EVI5: variants seen among roughly 807,000 people sequenced by gnomAD.
EVI5 encodes the protein ecotropic viral integration site 5 protein homolog.
In EVI5, 73 loss-of-function variants were observed where a neutral mutation model predicts 112.0. The ratio of observed to expected loss-of-function variants is 0.65; its 90% CI spans 0.54 to 0.79. The LOEUF is 0.79. Ranked by LOEUF, EVI5 falls within the 30% of genes least tolerant of loss-of-function variation. EVI5 has a pLI of 0.00. For missense variants in EVI5, 900 were observed against 968.8 expected, an observed-to-expected ratio of 0.93 and a Z score of 0.94; for synonymous variants, 305 against 319.9, an observed-to-expected ratio of 0.95 and a Z score of 0.50.
chr1:92,746,496 TG>T (rs1254015481), intron 1 of EVI5, among the ~76,000 whole-genome samples: 2 of 152,002 alleles, frequency 1.3e-5, no homozygotes, highest in Admixed American at 1.3e-4. Flanking sequence ...GAGGCCGAGG[TG>T]GGTGGATCAC....
chr1:92,683,895 G>A (rs1024123883), intron 9 of EVI5, among the ~76,000 whole-genome samples: 1 of 152,184 alleles, frequency 6.6e-6, no homozygotes, highest in Non-Finnish European at 1.5e-5. Context: ...AGAAATATGG[G>A]AGTATGTGAA....
At chr1:92,586,306 C>T (rs1672769639) in intron 18 of EVI5, among the ~76,000 whole-genome samples, 1 of 152,120 alleles carries the variant, frequency 6.6e-6, no homozygotes, top group African/African-American at 2.4e-5. Flanking sequence ...TACTTCCCCT[C>T]CTTGAGGGTG....
intron 18 of EVI5, among the ~76,000 whole-genome samples, chr1:92,596,696 G>C (rs1647980995): frequency 6.6e-6 from 1 of 152,188 alleles, no homozygotes; most frequent in East Asian, 1.9e-4. Context: ...TTGACCTCAA[G>C]TGATCAGCCT....
chr1:92,618,575 A>G (rs1406026784), intron 16 of EVI5, among the ~76,000 whole-genome samples: 2 of 152,210 alleles, frequency 1.3e-5, no homozygotes, highest in African/African-American at 4.8e-5. Context: ...ATTAAGGTCA[A>G]TGGGAAACTA....
Position 92,695,456 on chromosome 1 carries a change from A to G in EVI5, c.766-3T>C, listed in dbSNP as rs1186226410. Reference sequence around the variant, plus strand: ...ACAAAGAGCTCTGGAAGATGCTCCTAAAGAGAAGAAAATAATTAGTTATAA... The same window carrying G: ...ACAAAGAGCTCTGGAAGATGCTCCTGAAGAGAAGAAAATAATTAGTTATAA... On this transcript the variant is annotated splice_polypyrimidine_tract_variant and splice_region_variant and intron_variant, in intron 6 of 19. Coordinates refer to ENST00000684568, the MANE Select transcript of EVI5 (RefSeq NM_001350197.2). 3 of 1,571,470 alleles carry G rather than the reference A, an allele frequency of 1.9e-6. No individual in the cohort carries two copies. The highest frequency in any genetic ancestry group is 2.6e-6 in the Non-Finnish European group (3 of 1,153,958).
chr1:92,711,681 G>A (rs972179233), intron 2 of EVI5, among the ~76,000 whole-genome samples: 19 of 152,084 alleles, frequency 1.2e-4, no homozygotes, highest in Admixed American at 3.3e-4. Context: ...GATTTATTAC[G>A]GAGGAGGCAA....
chr1:92,640,419 A>G (rs1659713266), intron 13 of EVI5, among the ~76,000 whole-genome samples: 1 of 152,164 alleles, frequency 6.6e-6, no homozygotes, highest in Admixed American at 6.5e-5. Flanking sequence ...CAAGAGAAAA[A>G]CAACCCCATC....
intron 2 of EVI5, among the ~76,000 whole-genome samples, chr1:92,731,761 T>C (rs963641694): frequency 1.3e-5 from 2 of 152,084 alleles, no homozygotes; most frequent in African/African-American, 2.4e-5. Flanking sequence ...ACAACTGATA[T>C]CTGACAAAAA....
intron 2 of EVI5, among the ~76,000 whole-genome samples, chr1:92,718,383 A>C (rs1209254947): frequency 2.6e-5 from 4 of 152,250 alleles, no homozygotes; most frequent in Non-Finnish European, 5.9e-5. Flanking sequence ...CTCAGGATTC[A>C]GAAACTCACT....
intron 2 of EVI5, among the ~76,000 whole-genome samples, chr1:92,707,953 T>C (rs758537531): frequency 2.0e-5 from 3 of 152,092 alleles, no homozygotes; most frequent in Non-Finnish European, 4.4e-5. Context: ...TGCATCAACA[T>C]GGATGAATCT....
At chr1:92,704,854 T>C (rs181717312) in intron 2 of EVI5, 110 bp from the exon 3 acceptor site, 6 of 434,134 alleles carry the variant, frequency 1.4e-5, no homozygotes, top group Admixed American at 1.2e-4. Context: ...TTTTAAAATA[T>C]AGTTTTAATA....
In EVI5 at chr1:92,704,581, G is replaced by A. The variant is rs200740554; in HGVS notation, c.313C>T (p.Arg105Cys). Residue 105 changes from arginine (R) to cysteine (C), a missense_variant, in exon 3 of 20, where the codon CGC becomes TGC. Arg to Cys is a radical substitution (Grantham distance 180, BLOSUM62 -3). Coordinates refer to ENST00000684568, the MANE Select transcript of EVI5 (RefSeq NM_001350197.2). ...TTAACTTGCTTTTCCTTCTTTTTGC[G>A]TACATCTTCCCATTCATTAACAATT... Reference protein sequence around the residue: ...GRIVNEWEDVRKKKEKQVKEL... With the variant: ...GRIVNEWEDVCKKKEKQVKEL... 27 of 1,578,102 alleles carry A rather than the reference G, an allele frequency of 1.7e-5. No homozygotes were observed. Among genetic ancestry groups the A allele is most frequent in the East Asian group, 2.3e-5 (1 of 43,996 alleles).
chr1:92,587,937 A>G (rs1325534474), intron 18 of EVI5, among the ~76,000 whole-genome samples: 1 of 152,224 alleles, frequency 6.6e-6, no homozygotes, highest in Non-Finnish European at 1.5e-5. Context: ...CAGGTTAAAT[A>G]CTAGAAGGCT....
intron 16 of EVI5, among the ~76,000 whole-genome samples, chr1:92,607,978 T>C (rs111298399): frequency 6.6e-5 from 10 of 151,582 alleles, no homozygotes; most frequent in African/African-American, 2.4e-4. Flanking sequence ...ACCCCGTCTC[T>C]ACTAAAATTA....
intron 13 of EVI5, among the ~76,000 whole-genome samples, chr1:92,654,778 A>C (rs1662728831): frequency 6.6e-6 from 1 of 152,156 alleles, no homozygotes. Context: ...AACACCAAGA[A>C]ATCTGAAAAT....
intron 19 of EVI5, among the ~76,000 whole-genome samples, chr1:92,533,296 T>C (rs906999586): frequency 6.6e-6 from 1 of 152,162 alleles, no homozygotes; most frequent in Non-Finnish European, 1.5e-5. Flanking sequence ...CAGCAATTAA[T>C]AGCTTACCAA....
At chr1:92,525,165 G>T (rs184700142) in intron 19 of EVI5, among the ~76,000 whole-genome samples, 6 of 152,026 alleles carry the variant, frequency 3.9e-5, no homozygotes, top group Non-Finnish European at 2.9e-5. Flanking sequence ...AACAGCCATA[G>T]GAGAGACACA....
rs200063630 is a variant in EVI5 at position 92,513,510 on chromosome 1, AATATATATATATATATAT to A, written c.*128_*145del. 8.4e-3 allele frequency: 1,453 copies of A among 172,568 alleles called. 22 individuals are homozygous for A. The highest frequency in any genetic ancestry group is 0.013 in the South Asian group (58 of 4,400). The allele number at this position is 172,568 out of a possible 1,614,324, so 10.7% of individuals were successfully genotyped here. A position where few individuals can be genotyped will look rare whatever the true frequency, so the allele number is the denominator to read the frequency against. ...GATAAAAAGGCAGATAAGACTGTAAAATATATATATATATATATATATATATATATATATATATATATA... is the reference window on the plus strand; with the variant it reads ...GATAAAAAGGCAGATAAGACTGTAAAATATATATATATATATATATATATA... On this transcript the variant is annotated 3_prime_UTR_variant, in exon 20 of 20. Transcript: ENST00000684568.
At chr1:92,759,451 C>A (rs1468983851) in intron 1 of EVI5, among the ~76,000 whole-genome samples, 1 of 152,128 alleles carries the variant, frequency 6.6e-6, no homozygotes, top group Non-Finnish European at 1.5e-5. Flanking sequence ...CGGTTTCAAA[C>A]AGACTTTTTT....
Sources: allele counts gnomAD v4.1 joint callset (sites outside exome capture counted in the v4.1 genomes callset), GRCh38; gene constraint gnomAD v4.1.1; transcripts MANE v1.5; gene names NCBI Gene and HGNC (gene_info 2026-07-23, HGNC 2026-07-21).